ZNF717: variants seen among roughly 807,000 people sequenced by gnomAD.
ZNF717 encodes krueppel-like factor X17.
Under a neutral mutation model 13.8 loss-of-function variants are expected in ZNF717, and 9 were observed. That is an observed-to-expected ratio of 0.65 (90% CI 0.39 to 1.14). ZNF717 has a LOEUF of 1.14. Ranked by LOEUF, ZNF717 falls within the 50% of genes most tolerant of loss-of-function variation. The pLI is 0.01. For synonymous variants in ZNF717, 327 were observed against 364.1 expected, an observed-to-expected ratio of 0.90 and a Z score of 1.16; for missense variants, 1,040 against 1,080.7, an observed-to-expected ratio of 0.96 and a Z score of 0.53.
chr3:75,736,902 AG>A lies in ZNF717; in HGVS notation c.2720del (p.Pro907LeufsTer35), dbSNP rs1414188068. ...SDVAEAGYVF[P>X]QNHSFFP Reference sequence around the variant, plus strand: ...TTCAAGGGAAAAAAGAGTGATTTTGAGGGAACACATAGCCTGCCTCAGCTAC... The same window carrying A: ...TTCAAGGGAAAAAAGAGTGATTTTGAGGAACACATAGCCTGCCTCAGCTAC... On this transcript the variant is annotated frameshift_variant, in exon 5 of 5. Coordinates refer to ENST00000652011, the MANE Select transcript of ZNF717 (RefSeq NM_001290208.3). LOFTEE classifies it high-confidence loss of function. The A allele has an allele frequency of 1.3e-6, 2 of 1,552,562 alleles. No individual in the cohort carries two copies. Among genetic ancestry groups the A allele is most frequent in the East Asian group, 4.9e-5 (2 of 40,984 alleles).
chr3:75,724,803 C>A (rs1938243412), intron 4 of ZNF717, among the ~76,000 whole-genome samples: 1 of 150,440 alleles, frequency 6.6e-6, no homozygotes, highest in Non-Finnish European at 1.5e-5. Context: ...AGAACAAAAA[C>A]AAGCGAAAAA....
chr3:75,696,570 C>T (rs1354483985), intron 6 of ZNF717, among the ~76,000 whole-genome samples: 1 of 152,384 alleles, frequency 6.6e-6, no homozygotes, highest in Non-Finnish European at 1.5e-5. Flanking sequence ...GTTCAACATG[C>T]AAATCAATCA....
intron 2 of ZNF717, among the ~76,000 whole-genome samples, chr3:75,765,005 A>ATG (rs1943335577): frequency 3.9e-5 from 1 of 25,782 alleles, no homozygotes; most frequent in African/African-American, 1.3e-4. Flanking sequence ...ATATATATAT[A>ATG]TATATATATA....
At chr3:75,740,206 G>A (rs1184688126) in intron 4 of ZNF717, among the ~76,000 whole-genome samples, 9 of 152,282 alleles carry the variant, frequency 5.9e-5, no homozygotes, top group African/African-American at 2.2e-4. Context: ...ATGTCACACA[G>A]TTTTATATAA....
At chr3:75,780,658 C>G (rs1272577988) in intron 2 of ZNF717, among the ~76,000 whole-genome samples, 1 of 152,240 alleles carries the variant, frequency 6.6e-6, no homozygotes, top group African/African-American at 2.4e-5. Flanking sequence ...CCTCGGCCTC[C>G]CAAAGTGCTG....
At chr3:75,719,633 G>T (rs78908363) in intron 4 of ZNF717, among the ~76,000 whole-genome samples, 1 of 152,132 alleles carries the variant, frequency 6.6e-6, no homozygotes, top group Non-Finnish European at 1.5e-5. Flanking sequence ...GGAAGGAAAA[G>T]TATTAATGAG....
chr3:75,708,448 A>G (rs2106830137), downstream of ZNF717, among the ~76,000 whole-genome samples: 1 of 152,358 alleles, frequency 6.6e-6, no homozygotes, highest in South Asian at 2.1e-4. Context: ...AAGGACATCT[A>G]CACCAAAAAC....
At chr3:75,704,015 T>G (rs1334447308) in intron 6 of ZNF717, among the ~76,000 whole-genome samples, 1 of 152,298 alleles carries the variant, frequency 6.6e-6, no homozygotes, top group African/African-American at 2.4e-5. Context: ...TAGCATTTTT[T>G]GTAAGGATAA....
intron 2 of ZNF717, among the ~76,000 whole-genome samples, chr3:75,756,670 C>G (rs1171610172): frequency 6.7e-6 from 1 of 148,962 alleles, no homozygotes; most frequent in Non-Finnish European, 1.5e-5. Context: ...TCTCCTTTTT[C>G]TTTTTTTTTT....
chr3:75,778,717 A>G (rs769818823), intron 2 of ZNF717, among the ~76,000 whole-genome samples: 27 of 151,842 alleles, frequency 1.8e-4, no homozygotes, highest in Non-Finnish European at 3.5e-4. Flanking sequence ...CCGGAACCCA[A>G]AACAATGTGA....
chr3:75,715,767 G>A (rs887736049), intron 5 of ZNF717, among the ~76,000 whole-genome samples: 1 of 152,076 alleles, frequency 6.6e-6, no homozygotes, highest in Non-Finnish European at 1.5e-5. Flanking sequence ...ACAGAGAGAG[G>A]TATACAGAGA....
At chr3:75,759,662 A>G (rs534591515) in intron 2 of ZNF717, among the ~76,000 whole-genome samples, 4 of 152,162 alleles carry the variant, frequency 2.6e-5, no homozygotes, top group African/African-American at 9.6e-5. Context: ...TCTGCCTCCC[A>G]GGTTCAAGCA....
intron 2 of ZNF717, among the ~76,000 whole-genome samples, chr3:75,772,200 C>A (rs1051831465): frequency 1.3e-4 from 20 of 149,150 alleles, no homozygotes; most frequent in Admixed American, 6.7e-5. Flanking sequence ...CAGAAAGGAG[C>A]TACCCCCTGC....
intron 2 of ZNF717, among the ~76,000 whole-genome samples, chr3:75,756,595 A>C (rs1438214088): frequency 6.6e-6 from 1 of 152,282 alleles, no homozygotes; most frequent in Non-Finnish European, 1.5e-5. Flanking sequence ...TGCTGCTGTT[A>C]TGAAGAAAGT....
intron 6 of ZNF717, among the ~76,000 whole-genome samples, chr3:75,699,013 CAG>C (rs1290403691): frequency 2.0e-4 from 30 of 151,718 alleles, no homozygotes; most frequent in African/African-American, 7.1e-4. Context: ...AAATGGGACA[CAG>C]AGTGAAAAAT....
downstream of ZNF717, among the ~76,000 whole-genome samples, chr3:75,729,463 A>G (rs1312667765): frequency 6.6e-6 from 1 of 152,184 alleles, no homozygotes; most frequent in Non-Finnish European, 1.5e-5. Context: ...TAAAAATACA[A>G]AATTAGCCAA....
intron 2 of ZNF717, among the ~76,000 whole-genome samples, chr3:75,764,922 C>A (rs200679615): frequency 6.7e-6 from 1 of 149,758 alleles, no homozygotes; most frequent in African/African-American, 2.5e-5. Context: ...ATGTTCACAG[C>A]AGCATTACAC....
intron 2 of ZNF717, among the ~76,000 whole-genome samples, chr3:75,764,601 T>C (rs1324124351): frequency 1.3e-5 from 2 of 152,118 alleles, no homozygotes; most frequent in Non-Finnish European, 2.9e-5. Flanking sequence ...GATTAAAAAG[T>C]GGACAAAGAA....
chr3:75,776,385 G>C (rs1231725281), intron 2 of ZNF717, among the ~76,000 whole-genome samples: 1 of 152,234 alleles, frequency 6.6e-6, no homozygotes, highest in Non-Finnish European at 1.5e-5. Flanking sequence ...TTTTATAAAG[G>C]GATTTCATTC....
Sources: allele counts gnomAD v4.1 joint callset (sites outside exome capture counted in the v4.1 genomes callset), GRCh38; gene constraint gnomAD v4.1.1; transcripts MANE v1.5; gene names NCBI Gene and HGNC (gene_info 2026-07-23, HGNC 2026-07-21).